SLC20A2: variants seen among roughly 807,000 people sequenced by gnomAD.
SLC20A2 encodes the protein solute carrier family 20 member 2, also known as sodium-dependent phosphate transporter 2.
A neutral mutation model predicts 61.0 loss-of-function variants in SLC20A2; 30 were observed. The ratio of observed to expected loss-of-function variants is 0.49; its 90% CI spans 0.37 to 0.67. The LOEUF (loss-of-function observed/expected upper bound fraction) is 0.67. Among genes scored for constraint, SLC20A2 ranks in the 30% least tolerant of loss-of-function variants. The pLI, the probability that SLC20A2 is intolerant of heterozygous loss-of-function variation, is 0.00. For synonymous variants in SLC20A2, 351 were observed against 353.3 expected (o/e 0.99, Z 0.07); for missense variants, 626 against 866.4 (o/e 0.72, Z 3.48).
chr8:42,437,794 T>C lies in SLC20A2; in HGVS notation c.935-217A>G, dbSNP rs1439875246. Among the ~76,000 whole-genome samples the C allele has an allele frequency of 6.6e-6, 1 of 151,520 alleles. No individual in the cohort carries two copies. Among genetic ancestry groups the C allele is most frequent in the African/African-American group, 2.4e-5 (1 of 41,286 alleles). ...ATGCCCAGCTAACTTTTTTGTATTT[T>C]TAGTAGAGATGGGGTTTCACCATGT... On this transcript the variant is annotated intron_variant, in intron 7 of 10. Coordinates refer to ENST00000520262, the MANE Select transcript of SLC20A2 (RefSeq NM_001257180.2). The surrounding 1 kb of genome is among the most constrained non-coding windows in gnomAD (Gnocchi z 6.4).
chr8:42,434,400 AT>A (rs371374496), intron 8 of SLC20A2, among the ~76,000 whole-genome samples: 110 of 144,472 alleles, frequency 7.6e-4, no homozygotes, highest in African/African-American at 1.6e-3. Context: ...TAAATGGATT[AT>A]TTTTTTTTTT....
At chr8:42,438,066 A>AAC (rs1586028221) in intron 7 of SLC20A2, among the ~76,000 whole-genome samples, 2 of 136,030 alleles carry the variant, frequency 1.5e-5, no homozygotes, top group South Asian at 2.2e-4. Context: ...AAAAAACCAA[A>AAC]AAAAAAAAAA....
intron 8 of SLC20A2, among the ~76,000 whole-genome samples, chr8:42,436,694 C>T (rs1804286192): frequency 6.6e-6 from 1 of 152,208 alleles, no homozygotes; most frequent in African/African-American, 2.4e-5. Context: ...GTCCTGCTGA[C>T]GCCACGTGGC....
intron 1 of SLC20A2, among the ~76,000 whole-genome samples, chr8:42,525,205 G>T (rs971675725): frequency 6.6e-6 from 1 of 152,124 alleles, no homozygotes; most frequent in Admixed American, 6.5e-5. Flanking sequence ...GGCAACTCTG[G>T]TGACAGATAC....
intron 1 of SLC20A2, among the ~76,000 whole-genome samples, chr8:42,515,110 T>C (rs1811252236): frequency 6.6e-6 from 1 of 152,222 alleles, no homozygotes; most frequent in South Asian, 2.1e-4. Flanking sequence ...TGATATCACA[T>C]CTGTTTCACA....
Position 42,437,662 on chromosome 8 carries a change from A to G in SLC20A2, c.935-85T>C, listed in dbSNP as rs1804400414. On this transcript the variant is annotated intron_variant, in intron 7 of 10. Transcript: ENST00000520262. This position sits in a 1 kb window ranked among gnomAD's most constrained non-coding sequence, Gnocchi z 6.4. ...TGAGACGGAGCCTTGCTCTGTCCTCAGGGTGGAGTACAATGGCGCAATCTC... is the reference window on the plus strand; with the variant it reads ...TGAGACGGAGCCTTGCTCTGTCCTCGGGGTGGAGTACAATGGCGCAATCTC... 6.0e-6 allele frequency: 7 copies of G among 1,170,418 alleles called. No homozygotes were observed. Among genetic ancestry groups the G allele is most frequent in the Non-Finnish European group, 8.1e-6 (7 of 863,338 alleles). 72.5% of individuals were successfully genotyped at this position (1,170,418 alleles called of 1,614,324 possible).
intron 1 of SLC20A2, among the ~76,000 whole-genome samples, chr8:42,498,444 T>C (rs1810087433): frequency 6.6e-6 from 1 of 152,182 alleles, no homozygotes; most frequent in Non-Finnish European, 1.5e-5. Context: ...TTCTTCATTT[T>C]CACATTTTTT....
chr8:42,484,861 G>T (rs1808844585), intron 1 of SLC20A2: 16 of 365,042 alleles, frequency 4.4e-5, no homozygotes, highest in South Asian at 3.6e-4. Flanking sequence ...CTGCTTGCTG[G>T]TCTACACGCA....
chr8:42,434,563 G>C (rs1295436849), intron 8 of SLC20A2, among the ~76,000 whole-genome samples: 1 of 152,110 alleles, frequency 6.6e-6, no homozygotes, highest in East Asian at 1.9e-4. Flanking sequence ...TTTGCTGTGT[G>C]GCCCTGAGCA....
chr8:42,455,850 G>C (rs1054683167), intron 5 of SLC20A2, among the ~76,000 whole-genome samples: 2 of 152,102 alleles, frequency 1.3e-5, no homozygotes, highest in Non-Finnish European at 2.9e-5. Flanking sequence ...TGGGTATTCA[G>C]CATTGCCCTG....
chr8:42,510,652 C>T (rs975496782), intron 1 of SLC20A2, among the ~76,000 whole-genome samples: 1 of 152,022 alleles, frequency 6.6e-6, no homozygotes, highest in Admixed American at 6.6e-5. Flanking sequence ...GAAAAGAGGG[C>T]TGTAGGAGTC....
At chr8:42,523,157 C>T (rs1811697032) in intron 1 of SLC20A2, among the ~76,000 whole-genome samples, 1 of 152,080 alleles carries the variant, frequency 6.6e-6, no homozygotes, top group Non-Finnish European at 1.5e-5. Flanking sequence ...ATGGTGAAAC[C>T]CCGTCTCTAC....
chr8:42,531,421 C>T (rs1211643058), intron 1 of SLC20A2, among the ~76,000 whole-genome samples: 1 of 152,174 alleles, frequency 6.6e-6, no homozygotes, highest in Non-Finnish European at 1.5e-5. Context: ...ATATCTTAAA[C>T]ACCATGAATG....
At chr8:42,443,671 C>T (rs1422819563) in intron 6 of SLC20A2, among the ~76,000 whole-genome samples, 1 of 151,974 alleles carries the variant, frequency 6.6e-6, no homozygotes, top group African/African-American at 2.4e-5. Flanking sequence ...TGACCTGCCG[C>T]AAGTGGGCAC....
intron 1 of SLC20A2, among the ~76,000 whole-genome samples, chr8:42,511,772 G>A (rs754812041): frequency 2.3e-4 from 35 of 152,016 alleles, no homozygotes; most frequent in Non-Finnish European, 2.2e-4. Flanking sequence ...CTTGATAAAC[G>A]TACATGATTG....
chr8:42,445,489 G>A (rs1805140087), intron 5 of SLC20A2, among the ~76,000 whole-genome samples: 1 of 152,028 alleles, frequency 6.6e-6, no homozygotes, highest in Non-Finnish European at 1.5e-5. Flanking sequence ...ACTTTGGGAG[G>A]CCGAGGTGGG....
At chr8:42,516,500 G>A (rs575335053) in intron 1 of SLC20A2, among the ~76,000 whole-genome samples, 6 of 152,276 alleles carry the variant, frequency 3.9e-5, no homozygotes, top group East Asian at 1.9e-4. Flanking sequence ...CTAGGGCAGC[G>A]CATCCTATTG....
Position 42,483,547 on chromosome 8 carries a change from G to A in SLC20A2, c.-264-10893C>T, listed in dbSNP as rs575607930. The stretch of plus-strand genomic sequence containing the variant: ...CTGAGGCACACTACTGTCTGGAAGC[G>A]AGGGACGAGAATAGCCAAGCTTTAT... On this transcript the variant is annotated intron_variant, in intron 1 of 10. Transcript: ENST00000520262. Among the ~76,000 whole-genome samples the A allele has an allele frequency of 1.6e-4, 24 of 152,306 alleles. No homozygotes were observed. The South Asian group carries it at 4.8e-3, about 30-fold the overall frequency.
intron 6 of SLC20A2, 110 bp downstream of exon 6, chr8:42,444,536 A>G (rs1805046794): frequency 2.5e-6 from 2 of 805,648 alleles, no homozygotes; most frequent in African/African-American, 1.7e-5. Context: ...TATGTTCTGG[A>G]GTCACCCACA....
Sources: allele counts gnomAD v4.1 joint callset (sites outside exome capture counted in the v4.1 genomes callset), GRCh38; gene constraint gnomAD v4.1.1; non-coding constraint Gnocchi (gnomAD v3.1); transcripts MANE v1.5; gene names NCBI Gene and HGNC (gene_info 2026-07-23, HGNC 2026-07-21).